Variants in ATP6V0E1 observed in about 807,000 individuals in gnomAD.
ATP6V0E1 encodes the protein V-type proton ATPase subunit e 1.
In ATP6V0E1, 4 loss-of-function variants were observed where a neutral mutation model predicts 11.6. The observed-to-expected ratio is 0.35, with a 90% CI of 0.17 to 0.79. ATP6V0E1 has a LOEUF of 0.79. Among genes scored for constraint, ATP6V0E1 ranks in the 30% least tolerant of loss-of-function variants. ATP6V0E1 has a pLI of 0.54. For synonymous variants in ATP6V0E1, 36 were observed against 34.8 expected (o/e 1.04, Z -0.13); for missense variants, 105 against 100.0 (o/e 1.05, Z -0.21).
chr5:173,031,838 A>C (rs1756663532), intron 3 of ATP6V0E1, among the ~76,000 whole-genome samples: 1 of 145,630 alleles, frequency 6.9e-6, no homozygotes, highest in African/African-American at 2.6e-5. Context: ...AAAAAAAAAA[A>C]GCTTCCTTAA....
At chr5:172,985,007 G>C (rs187526237) in intron 1 of ATP6V0E1, among the ~76,000 whole-genome samples, 8 of 152,294 alleles carry the variant, frequency 5.3e-5, no homozygotes, top group Admixed American at 5.2e-4. Context: ...AGCACTTTGG[G>C]AGGCCAAGGC....
intron 1 of ATP6V0E1, among the ~76,000 whole-genome samples, chr5:172,993,683 C>CA (rs1407666627): frequency 1.7e-5 from 2 of 114,756 alleles, no homozygotes; most frequent in East Asian, 3.3e-4. Flanking sequence ...ATTGAGACCC[C>CA]CCCCCCCGAC....
intron 2 of ATP6V0E1, among the ~76,000 whole-genome samples, chr5:173,016,587 T>C (rs2113603689): frequency 6.6e-6 from 1 of 152,356 alleles, no homozygotes; most frequent in East Asian, 1.9e-4. Context: ...GTTTAAATTC[T>C]AATGGATTTT....
intron 3 of ATP6V0E1, among the ~76,000 whole-genome samples, chr5:173,026,060 G>C (rs1756555010): frequency 6.6e-6 from 1 of 151,960 alleles, no homozygotes; most frequent in South Asian, 2.1e-4. Context: ...GCAGTGGTGT[G>C]ATGTTAGCTC....
intron 1 of ATP6V0E1, among the ~76,000 whole-genome samples, chr5:172,985,258 AAAAAG>A (rs1421437476): frequency 1.1e-4 from 17 of 151,990 alleles, no homozygotes; most frequent in Non-Finnish European, 2.5e-4. Context: ...AAAAAAAAAA[AAAAAG>A]AAAGAAAAAG....
At chr5:172,987,081 C>T (rs547614074) in intron 1 of ATP6V0E1, 20 of 191,702 alleles carry the variant, frequency 1.0e-4, no homozygotes, top group South Asian at 5.2e-4. Flanking sequence ...CCACCACGCC[C>T]GGCTGGAAGA....
chr5:173,003,143 G>A (rs1386988635), intron 2 of ATP6V0E1, among the ~76,000 whole-genome samples: 1 of 152,136 alleles, frequency 6.6e-6, no homozygotes, highest in African/African-American at 2.4e-5. Context: ...GGGATTTTAT[G>A]CTGTGCAGGT....
chr5:172,985,551 G>A (rs1033753999), intron 1 of ATP6V0E1, among the ~76,000 whole-genome samples: 1 of 152,098 alleles, frequency 6.6e-6, no homozygotes, highest in Non-Finnish European at 1.5e-5. Flanking sequence ...TGGAGTTAGC[G>A]AACAACAAAG....
chr5:172,992,281 G>T (rs1755996079), intron 1 of ATP6V0E1, among the ~76,000 whole-genome samples: 1 of 152,166 alleles, frequency 6.6e-6, no homozygotes, highest in South Asian at 2.1e-4. Context: ...TCGATCTCTT[G>T]ACCTCGTGAT....
intron 2 of ATP6V0E1, among the ~76,000 whole-genome samples, chr5:172,996,787 T>C (rs1404165522): frequency 6.6e-6 from 1 of 152,110 alleles, no homozygotes; most frequent in African/African-American, 2.4e-5. Context: ...TACAAGGTGA[T>C]GAAAGAGGGA....
At chr5:173,004,230 G>A (rs1756197118) in intron 2 of ATP6V0E1, among the ~76,000 whole-genome samples, 1 of 152,160 alleles carries the variant, frequency 6.6e-6, no homozygotes, top group Admixed American at 6.5e-5. Flanking sequence ...CAGCAAGCTT[G>A]CACTTCATTT....
chr5:172,983,874 G>C lies in ATP6V0E1; in HGVS notation c.14G>C (p.Gly5Ala), dbSNP rs1190061154. The change falls in exon 1 of 4, where the codon GGC (glycine) becomes GCC (alanine). Residue 5 changes from glycine to alanine, a missense_variant. Coordinates refer to ENST00000519374, the MANE Select transcript of ATP6V0E1 (RefSeq NM_003945.4). Reference protein sequence around the residue: MAYHGLTVPLIVMSV... With the variant: MAYHALTVPLIVMSV... ...CAGGCGGCGACCATGGCGTATCACG[G>C]CCTCACTGTGCCTCTCATTGTGATG... The C allele has an allele frequency of 1.9e-6, 3 of 1,613,644 alleles. No individual in the cohort carries two copies. In the African/African-American group the frequency reaches 4.0e-5, roughly 22 times the overall value.
At chr5:173,013,264 A>C (rs1338422094) in intron 2 of ATP6V0E1, among the ~76,000 whole-genome samples, 1 of 145,092 alleles carries the variant, frequency 6.9e-6, no homozygotes, top group Non-Finnish European at 1.5e-5. Context: ...TCTGCACAGC[A>C]AAAGAAACAA....
At chr5:173,023,628 T>C (rs1439216348) in intron 3 of ATP6V0E1, among the ~76,000 whole-genome samples, 3 of 152,204 alleles carry the variant, frequency 2.0e-5, no homozygotes, top group Non-Finnish European at 4.4e-5. Context: ...GCAGATCACT[T>C]GAGCCCAGGA....
intron 2 of ATP6V0E1, among the ~76,000 whole-genome samples, chr5:173,004,601 G>T (rs1463061634): frequency 6.6e-6 from 1 of 152,188 alleles, no homozygotes; most frequent in African/African-American, 2.4e-5. Flanking sequence ...GATGAGTGCG[G>T]AGCAGTCTGG....
intron 3 of ATP6V0E1, among the ~76,000 whole-genome samples, chr5:173,026,663 T>G (rs1297813470): frequency 6.6e-6 from 1 of 152,244 alleles, no homozygotes; most frequent in East Asian, 1.9e-4. Context: ...TTCTCATCTC[T>G]TTATAGCCAT....
At chr5:172,986,003 A>G (rs1168359276) in intron 1 of ATP6V0E1, among the ~76,000 whole-genome samples, 2 of 152,254 alleles carry the variant, frequency 1.3e-5, no homozygotes, top group African/African-American at 4.8e-5. Context: ...AATGTAACAC[A>G]ATGGTATTTG....
intron 1 of ATP6V0E1, among the ~76,000 whole-genome samples, chr5:172,990,780 T>C (rs974263168): frequency 2.0e-5 from 3 of 151,114 alleles, no homozygotes; most frequent in African/African-American, 7.3e-5. Context: ...TGAGTTGAGA[T>C]TGCGCCACTG....
chr5:173,017,686 CA>C (rs1463557114), intron 2 of ATP6V0E1, among the ~76,000 whole-genome samples: 1 of 151,574 alleles, frequency 6.6e-6, no homozygotes, highest in Non-Finnish European at 1.5e-5. Flanking sequence ...ACTAAAAATA[CA>C]AAAATTAGCT....
Sources: gnomAD v4.1 joint callset for allele counts (sites outside exome capture counted in the v4.1 genomes callset) on GRCh38, gnomAD v4.1.1 for gene constraint, MANE v1.5 for transcripts, NCBI Gene and HGNC (gene_info 2026-07-23, HGNC 2026-07-21) for gene names.